Variants in EDARADD observed in about 807,000 individuals in gnomAD.
EDARADD encodes EDAR associated via death domain.
A neutral mutation model predicts 25.6 loss-of-function variants in EDARADD; 20 were observed. The observed-to-expected ratio is 0.78, with a 90% CI of 0.55 to 1.14. EDARADD has a LOEUF of 1.14. Among genes scored for constraint, EDARADD ranks in the 50% most tolerant of loss-of-function variants. The pLI, the probability that EDARADD is intolerant of heterozygous loss-of-function variation, is 0.00. For missense variants in EDARADD, 225 were observed against 270.1 expected (o/e 0.83, Z 1.17); for synonymous variants, 86 against 94.4 (o/e 0.91, Z 0.52).
intron 1 of EDARADD, among the ~76,000 whole-genome samples, chr1:236,404,301 C>G (rs1018730908): frequency 2.0e-5 from 3 of 152,210 alleles, no homozygotes; most frequent in African/African-American, 7.2e-5. Context: ...CTTAGGGCAG[C>G]TTTCCACTTC....
intron 5 of EDARADD, 92 bp from the exon 6 acceptor site, chr1:236,482,175 T>C: frequency 6.7e-7 from 1 of 1,496,672 alleles, no homozygotes; most frequent in East Asian, 2.3e-5. Flanking sequence ...ATGATGCTTT[T>C]GACAATTCAG....
At chr1:236,437,072 T>C (rs941176318) in intron 4 of EDARADD, among the ~76,000 whole-genome samples, 1 of 152,170 alleles carries the variant, frequency 6.6e-6, no homozygotes, top group Admixed American at 6.5e-5. Context: ...AAGTTTGGCA[T>C]TGAAAATCTC....
At chr1:236,460,715 A>G (rs1659014058) in intron 4 of EDARADD, among the ~76,000 whole-genome samples, 1 of 152,170 alleles carries the variant, frequency 6.6e-6, no homozygotes, top group African/African-American at 2.4e-5. Context: ...TCATCAGTAA[A>G]TGTGTTCCAA....
intron 3 of EDARADD, among the ~76,000 whole-genome samples, chr1:236,379,508 A>G (rs1667268685): frequency 6.7e-6 from 1 of 148,194 alleles, no homozygotes; most frequent in Non-Finnish European, 1.5e-5. Flanking sequence ...GCCAGGTGCA[A>G]TGGCTCACGC....
At chr1:236,460,962 C>T (rs111532449) in intron 4 of EDARADD, among the ~76,000 whole-genome samples, 1,787 of 152,044 alleles carry the variant, frequency 0.012, 12 homozygotes, top group Non-Finnish European at 0.018. Context: ...GCTGCGATTA[C>T]AGGCACCTGC....
At chr1:236,371,317 T>G (rs1667169884) in intron 3 of EDARADD, among the ~76,000 whole-genome samples, 1 of 152,148 alleles carries the variant, frequency 6.6e-6, no homozygotes. Flanking sequence ...TTCAGGAGGT[T>G]TTTTTGCTGT....
intron 3 of EDARADD, among the ~76,000 whole-genome samples, chr1:236,358,208 T>C (rs917908606): frequency 2.6e-5 from 4 of 152,208 alleles, no homozygotes; most frequent in African/African-American, 7.2e-5. Flanking sequence ...GTCTGCTTTT[T>C]GTTCTTTGTT....
chr1:236,423,156 G>A (rs997258734), intron 3 of EDARADD, among the ~76,000 whole-genome samples: 2 of 152,094 alleles, frequency 1.3e-5, no homozygotes, highest in Non-Finnish European at 2.9e-5. Context: ...TTTATTGGAG[G>A]GGCCCAAATT....
intron 1 of EDARADD, among the ~76,000 whole-genome samples, chr1:236,404,200 A>G (rs570187709): frequency 2.0e-5 from 3 of 152,312 alleles, no homozygotes; most frequent in African/African-American, 7.2e-5. Context: ...GGGGGCTGGG[A>G]AAAACAAACA....
intron 3 of EDARADD, among the ~76,000 whole-genome samples, chr1:236,376,025 C>G (rs1667220377): frequency 6.8e-6 from 1 of 147,796 alleles, no homozygotes. Context: ...ACCTCTGCCT[C>G]TGAGGTTCGA....
chr1:236,391,821 C>T (rs1474228471), upstream of EDARADD, among the ~76,000 whole-genome samples: 1 of 152,194 alleles, frequency 6.6e-6, no homozygotes, highest in Non-Finnish European at 1.5e-5. Flanking sequence ...TGTGAAAAGA[C>T]ATGAGACCAA....
chr1:236,371,521 C>A (rs626980), intron 3 of EDARADD, among the ~76,000 whole-genome samples: 44,731 of 151,544 alleles, frequency 0.3, 6,942 homozygotes, highest in African/African-American at 0.39. Flanking sequence ...TATCAGAAAA[C>A]TTCTAGTTTC....
chr1:236,482,195 A>T lies in EDARADD; in HGVS notation c.266-72A>T, dbSNP rs1258407108. The T allele has an allele frequency of 1.9e-6, 3 of 1,558,130 alleles. No homozygotes were observed. The Admixed American group carries it at 5.0e-5, about 26-fold the overall frequency. ...GCTTTTGACAATTCAGCAGGAAAAT[A>T]AAGGATGTAAGAAATGAATGCATAT... On this transcript the variant is annotated intron_variant, in intron 5 of 5. Coordinates refer to ENST00000334232, the MANE Select transcript of EDARADD (RefSeq NM_145861.4).
At chr1:236,378,676 T>C (rs1305592996) in intron 3 of EDARADD, among the ~76,000 whole-genome samples, 1 of 152,208 alleles carries the variant, frequency 6.6e-6, no homozygotes, top group Non-Finnish European at 1.5e-5. Flanking sequence ...AAAATAACTA[T>C]TTTATTGTTG....
intron 5 of EDARADD, among the ~76,000 whole-genome samples, chr1:236,479,706 A>C (rs1659612689): frequency 6.6e-6 from 1 of 151,146 alleles, no homozygotes. Flanking sequence ...ACCAAACTGG[A>C]CTACTCAATT....
At chr1:236,447,943 C>T (rs937691071) in intron 4 of EDARADD, among the ~76,000 whole-genome samples, 36 of 151,980 alleles carry the variant, frequency 2.4e-4, no homozygotes, top group African/African-American at 8.7e-4. Flanking sequence ...TCAAGTGATT[C>T]TCCTGCCTCA....
At chr1:236,385,089 C>CTTTTTTTTTTTTTTTTTTTTT (rs34509027) in intron 3 of EDARADD, among the ~76,000 whole-genome samples, 15 of 121,944 alleles carry the variant, frequency 1.2e-4, no homozygotes, top group African/African-American at 4.4e-4. Flanking sequence ...CCTTTTGATT[C>CTTTTTTTTTTTTTTTTTTTTT]TTTTTTTTTT....
intron 3 of EDARADD, among the ~76,000 whole-genome samples, chr1:236,365,154 T>C (rs113031981): frequency 2.6e-3 from 393 of 152,104 alleles, no homozygotes; most frequent in African/African-American, 9.1e-3. Context: ...CTTTTCTTTT[T>C]TTTTTCTTTC....
rs545109099 is a variant in EDARADD at position 236,445,172 on chromosome 1, T to C, written c.219+17722T>C. Among the ~76,000 whole-genome samples the C allele has an allele frequency of 3.9e-5, 6 of 152,126 alleles. No individual in the cohort carries two copies. In the East Asian group the frequency reaches 9.6e-4, roughly 24 times the overall value. Reference sequence around the variant, plus strand: ...TCTAAGCAAAGACAGTTTTATTTATTCTCCACTGTAACGTTTATTTACTTT... The same window carrying C: ...TCTAAGCAAAGACAGTTTTATTTATCCTCCACTGTAACGTTTATTTACTTT... On this transcript the variant is annotated intron_variant, in intron 4 of 5. Coordinates refer to ENST00000334232, the MANE Select transcript of EDARADD (RefSeq NM_145861.4).
Sources: allele counts gnomAD v4.1 joint callset (sites outside exome capture counted in the v4.1 genomes callset), GRCh38; gene constraint gnomAD v4.1.1; transcripts MANE v1.5; gene names NCBI Gene and HGNC (gene_info 2026-07-23, HGNC 2026-07-21).